The following GPR135 variants were observed in gnomAD, a reference collection of about 807,000 sequenced individuals.
GPR135 encodes the protein G-protein coupled receptor 135.
Under a neutral mutation model 15.0 loss-of-function variants are expected in GPR135, and 17 were observed. That is an observed-to-expected ratio of 1.13 (90% CI 0.78 to 1.70). GPR135 has a LOEUF of 1.70. Ranked by LOEUF, GPR135 falls within the 40% of genes most tolerant of loss-of-function variation. The probability of loss-of-function intolerance (pLI) is 0.00; values close to 1 mark genes in which losing one functional copy is unlikely to be tolerated. For missense variants in GPR135, 776 were observed against 727.0 expected, an observed-to-expected ratio of 1.07 and a Z score of -0.78; for synonymous variants, 368 against 349.4, an observed-to-expected ratio of 1.05 and a Z score of -0.59.
In GPR135 at chr14:59,463,754, A is replaced by T. The variant is rs1230635696; in HGVS notation, c.1473T>A (p.Asp491Glu). Reference sequence around the variant, plus strand: ...CATTCCAACCGTCTTAGAGGCTGGTATCCCCAGCTTCGGATTTAGGCTGTT... The same window carrying T: ...CATTCCAACCGTCTTAGAGGCTGGTTTCCCCAGCTTCGGATTTAGGCTGTT... ...VTKQPKSEAG[D>E]TSL is the part of the protein sequence containing the mutation. Residue 491 changes from aspartate to glutamate, a missense_variant, in exon 1 of 1, where the codon GAT becomes GAA. Asp to Glu is a conservative substitution (Grantham distance 45). Coordinates refer to ENST00000395116, the MANE Select transcript of GPR135 (RefSeq NM_022571.6). 4 of 1,596,702 alleles carry T rather than the reference A, an allele frequency of 2.5e-6. No homozygotes were observed. Among genetic ancestry groups the T allele is most frequent in the Non-Finnish European group, 3.4e-6 (4 of 1,169,356 alleles).
rs564619181 is a variant in GPR135 at position 59,453,723 on chromosome 14, T to C, written c.*874+1961A>G. 2.0e-5 allele frequency among the ~76,000 whole-genome samples: 3 copies of C among 152,212 alleles called. No homozygotes were observed. In the East Asian group the frequency reaches 5.8e-4, roughly 29 times the overall value. On this transcript the variant is annotated intron_variant and NMD_transcript_variant, in intron 6 of 6. Transcript: ENST00000481661. ...ACTTTGGGGTTGAAAAGGAACAGAT[T>C]GGGGAAAAGGGACTTGATGATTGGC...
At position 59,464,783 on chromosome 14, in the gene GPR135, C is replaced by T. The variant is rs1411142684; in HGVS notation, c.444G>A (p.Ser148=). ...TNAFILSLSL[S]DLLTALLCLP... is the part of the protein sequence containing the mutation. Reference sequence around the variant, plus strand: ...GGCAGAGCAGCGCCGTGAGCAGATCCGATAGGGACAGCGACAGGATGAAGG... The same window carrying T: ...GGCAGAGCAGCGCCGTGAGCAGATCTGATAGGGACAGCGACAGGATGAAGG... The change falls in exon 1 of 1, where the codon TCG becomes TCA. Residue 148 remains serine (S), a synonymous_variant. Coordinates refer to ENST00000395116, the MANE Select transcript of GPR135 (RefSeq NM_022571.6). 5 of 1,574,310 alleles carry T rather than the reference C, an allele frequency of 3.2e-6. No individual in the cohort carries two copies. Among genetic ancestry groups the T allele is most frequent in the Admixed American group, 1.9e-5 (1 of 53,664 alleles).
Position 59,461,890 on chromosome 14 carries a change from G to A in GPR135, c.*1852C>T, listed in dbSNP as rs899228318. On this transcript the variant is annotated 3_prime_UTR_variant, in exon 1 of 1. Coordinates refer to ENST00000395116, the MANE Select transcript of GPR135 (RefSeq NM_022571.6). ...ATACCGCAGACACCTGTTTTTGTTA[G>A]TCCAGCTGCATGAAGTCTGTATATG... 1 of 152,128 alleles carries A rather than the reference G, an allele frequency of 6.6e-6. No homozygotes were observed. The highest frequency in any genetic ancestry group is 1.5e-5 in the Non-Finnish European group (1 of 68,036). 9.4% of individuals were successfully genotyped at this position (152,128 alleles called of 1,614,324 possible).
downstream of GPR135, among the ~76,000 whole-genome samples, chr14:59,457,403 T>G (rs1042255262): frequency 2.0e-5 from 3 of 152,168 alleles, no homozygotes; most frequent in Non-Finnish European, 4.4e-5. Flanking sequence ...CTTCAAATAC[T>G]TTTTCTGCTC....
chr14:59,463,612 G>T lies in GPR135; in HGVS notation c.*130C>A. The T allele has an allele frequency of 1.2e-6, 1 of 853,292 alleles. No homozygotes were observed. The highest frequency in any genetic ancestry group is 1.8e-6 in the Non-Finnish European group (1 of 565,940). The allele number at this position is 853,292 out of a possible 1,614,324, so 52.9% of individuals were successfully genotyped here. A position where few individuals can be genotyped will look rare whatever the true frequency, so the allele number is the denominator to read the frequency against. On this transcript the variant is annotated 3_prime_UTR_variant, in exon 1 of 1. Coordinates refer to ENST00000395116, the MANE Select transcript of GPR135 (RefSeq NM_022571.6). ...TTGTCTTTTATGTTGTTTGGGGAAA[G>T]TGGTAAGCCTCCCCCGTCTCTAGCT...
Position 59,464,534 on chromosome 14 carries a change from C to T in GPR135, c.693G>A (p.Ala231=). Residue 231 remains alanine (A), a synonymous_variant, in exon 1 of 1, where the codon GCG becomes GCA. Coordinates refer to ENST00000395116, the MANE Select transcript of GPR135 (RefSeq NM_022571.6). ...AGCCCAGGGCCGTCAGCCAGGCGCC[C>T]GCCAGCAGCTGCAGCGCGCGGCGGC... ...IGRRRALQLL[A]GAWLTALGFS... is the part of the protein sequence containing the mutation. 3 of 1,546,654 alleles carry T rather than the reference C, an allele frequency of 1.9e-6. No individual in the cohort carries two copies. The highest frequency in any genetic ancestry group is 4.0e-5 in the Admixed American group (2 of 50,412).
rs770489525 is a variant in GPR135, at chr14:59,464,671, C to A, written c.556G>T (p.Ala186Ser). Residue 186 changes from alanine (A) to serine (S), a missense_variant, in exon 1 of 1, where the codon GCC becomes TCC. Coordinates refer to ENST00000395116, the MANE Select transcript of GPR135 (RefSeq NM_022571.6). ...AAGCACGAGCTGAAGAAGCGGCTGG[C>A]GGCGCAGAAGCCGCGCCAGGGCCCC... ...AAGPWRGFCAASRFFSSCFGI... is the reference protein window; with the variant it reads ...AAGPWRGFCASSRFFSSCFGI... The A allele has an allele frequency of 5.0e-6, 8 of 1,586,688 alleles. No homozygotes were observed. In the Admixed American group the frequency reaches 1.2e-4, roughly 24 times the overall value.
rs1175968489 is a variant in GPR135 at position 59,464,035 on chromosome 14, G to A, written c.1192C>T (p.Leu398=). 6.2e-7 allele frequency: 1 copy of A among 1,613,670 alleles called. No individual in the cohort carries two copies. The highest frequency in any genetic ancestry group is 1.3e-5 in the African/African-American group (1 of 74,954). The change falls in exon 1 of 1, where the codon CTA becomes TTA. Residue 398 remains leucine, a synonymous_variant. Coordinates refer to ENST00000395116, the MANE Select transcript of GPR135 (RefSeq NM_022571.6). Reference sequence around the variant, plus strand: ...TAGCCCTCCTCGCGGTTGCGCCCTAGGAGCATCGAAATGTTGGGATTGCGG... The same window carrying A: ...TAGCCCTCCTCGCGGTTGCGCCCTAAGAGCATCGAAATGTTGGGATTGCGG... ...AIRNPNISML[L]GRNREEGYRT... is the part of the protein sequence containing the mutation.
In GPR135 at chr14:59,465,165, G is replaced by A. The variant is rs568650635; in HGVS notation, c.62C>T (p.Ser21Phe). The part of the protein sequence containing the change: ...ASMALLGSQH[S>F]GAPSAAGPPG... ...TGGGCCGGCCGCGGAGGGGGCGCCG[G>A]AGTGCTGGCTGCCCAGTAAGGCCAT... Residue 21 changes from serine to phenylalanine, a missense_variant, in exon 1 of 1, where the codon TCC (serine) becomes TTC (phenylalanine). Transcript: ENST00000395116. The A allele has an allele frequency of 1.0e-4, 135 of 1,328,162 alleles. 1 individual carries two copies. The African/African-American group carries it at 1.9e-3, about 18-fold the overall frequency. 82.3% of individuals were successfully genotyped at this position (1,328,162 alleles called of 1,614,324 possible).
chr14:59,464,952 TCCGGGCCTAGCGGCCGCCTCACCG>T lies in GPR135; in HGVS notation c.251_274del (p.Ala84_Pro91del), dbSNP rs1430587827. 1.2e-5 allele frequency: 19 copies of T among 1,529,208 alleles called. No individual in the cohort carries two copies. The highest frequency in any genetic ancestry group is 1.7e-5 in the Non-Finnish European group (19 of 1,141,282). The allele number at this position is 1,529,208 out of a possible 1,614,324, so 94.7% of individuals were successfully genotyped here. A position where few individuals can be genotyped will look rare whatever the true frequency, so the allele number is the denominator to read the frequency against. ...TCCGTGCGACAGCAGCGGCGCCGCC[TCCGGGCCTAGCGGCCGCCTCACCG>T]CCGCCCCCGCCTCCCGCGCTGCCCC... On this transcript the variant is annotated inframe_deletion, in exon 1 of 1. Coordinates refer to ENST00000395116, the MANE Select transcript of GPR135 (RefSeq NM_022571.6).
Position 59,464,034 on chromosome 14 carries a change from A to G in GPR135, c.1193T>C (p.Leu398Pro), listed in dbSNP as rs1888980642. Residue 398 changes from leucine (L) to proline (P), a missense_variant, in exon 1 of 1, where the codon CTA (leucine) becomes CCA (proline). Transcript: ENST00000395116. ...AIRNPNISML[L>P]GRNREEGYRT... ...GTAGCCCTCCTCGCGGTTGCGCCCT[A>G]GGAGCATCGAAATGTTGGGATTGCG... 3 of 1,613,708 alleles carry G rather than the reference A, an allele frequency of 1.9e-6. No individual in the cohort carries two copies. Among genetic ancestry groups the G allele is most frequent in the African/African-American group, 2.7e-5 (2 of 74,948 alleles).
rs745421740 is a variant in GPR135 at position 59,464,737 on chromosome 14, G to A, written c.490C>T (p.Leu164Phe). The A allele has an allele frequency of 4.0e-5, 62 of 1,566,634 alleles. No homozygotes were observed. The highest frequency in any genetic ancestry group is 5.4e-5 in the African/African-American group (4 of 74,076). The change falls in exon 1 of 1, where the codon CTC (leucine) becomes TTC (phenylalanine). Residue 164 changes from leucine (L) to phenylalanine (F), a missense_variant. Physicochemically the swap from Leu to Phe is conservative, Grantham distance 22 (BLOSUM62 0). Coordinates refer to ENST00000395116, the MANE Select transcript of GPR135 (RefSeq NM_022571.6). Reference sequence around the variant, plus strand: ...GCCGAACCCCCGGGCGGAGTGAAGAGGTCCAGGAAGGCGGCGGGCAGGCAG... The same window carrying A: ...GCCGAACCCCCGGGCGGAGTGAAGAAGTCCAGGAAGGCGGCGGGCAGGCAG... ...LLCLPAAFLD[L>F]FTPPGGSAPA...
At chr14:59,458,583 T>C (rs1888746673), downstream of GPR135, among the ~76,000 whole-genome samples, 2 of 152,122 alleles carry the variant, frequency 1.3e-5, no homozygotes, top group Non-Finnish European at 2.9e-5. Flanking sequence ...ATGCGAACTC[T>C]CTGAGACATG....
At position 59,464,968 on chromosome 14, in the gene GPR135, G is replaced by T. The variant is rs1889082592; in HGVS notation, c.259C>A (p.Arg87=). Residue 87 remains arginine (R), a synonymous_variant, in exon 1 of 1, where the codon CGG becomes AGG. Transcript: ENST00000395116. ...GGCGCCGCCTCCGGGCCTAGCGGCC[G>T]CCTCACCGCCGCCCCCGCCTCCCGC... ...AAREAGAAVR[R]PLGPEAAPLL... is the part of the protein sequence containing the mutation. 3.4e-6 allele frequency: 5 copies of T among 1,490,008 alleles called. No homozygotes were observed. Among genetic ancestry groups the T allele is most frequent in the East Asian group, 2.8e-5 (1 of 35,396 alleles). The allele number at this position is 1,490,008 out of a possible 1,614,324, so 92.3% of individuals were successfully genotyped here. A position where few individuals can be genotyped will look rare whatever the true frequency, so the allele number is the denominator to read the frequency against.
downstream of GPR135, among the ~76,000 whole-genome samples, chr14:59,456,948 C>T (rs931582287): frequency 6.6e-6 from 1 of 151,978 alleles, no homozygotes. Flanking sequence ...TATGCCTTTC[C>T]TTACTTTTAC....
chr14:59,465,109 C>T lies in GPR135; in HGVS notation c.118G>A (p.Ala40Thr). Reference protein sequence around the residue: ...PGGTSSAATAAVLSFSTVATA... With the variant: ...PGGTSSAATATVLSFSTVATA... ...GCCACGGTGCTGAAGGAGAGCACGGCCGCCGTGGCCGCGGAGGAAGTCCCG... is the reference window on the plus strand; with the variant it reads ...GCCACGGTGCTGAAGGAGAGCACGGTCGCCGTGGCCGCGGAGGAAGTCCCG... Residue 40 changes from alanine (A) to threonine (T), a missense_variant, in exon 1 of 1, where the codon GCC (alanine) becomes ACC (threonine). Physicochemically the swap from Ala to Thr is moderately conservative, Grantham distance 58. Coordinates refer to ENST00000395116, the MANE Select transcript of GPR135 (RefSeq NM_022571.6). 7.2e-7 allele frequency: 1 copy of T among 1,382,244 alleles called. No individual in the cohort carries two copies. Among genetic ancestry groups the T allele is most frequent in the Non-Finnish European group, 9.4e-7 (1 of 1,067,188 alleles). The allele number at this position is 1,382,244 out of a possible 1,614,324, so 85.6% of individuals were successfully genotyped here.
rs757054377 is a variant in GPR135 at position 59,464,796 on chromosome 14, G to C, written c.431C>G (p.Ser144Trp). 3 of 1,578,166 alleles carry C rather than the reference G, an allele frequency of 1.9e-6. No homozygotes were observed. The highest frequency in any genetic ancestry group is 2.6e-6 in the Non-Finnish European group (3 of 1,161,728). The part of the protein sequence containing the change: ...LRTVTNAFIL[S>W]LSLSDLLTAL... ...CGTGAGCAGATCCGATAGGGACAGC[G>C]ACAGGATGAAGGCGTTGGTGACGGT... Residue 144 changes from serine to tryptophan, a missense_variant, in exon 1 of 1, where the codon TCG (serine) becomes TGG (tryptophan). Ser to Trp is a radical substitution (Grantham distance 177). Coordinates refer to ENST00000395116, the MANE Select transcript of GPR135 (RefSeq NM_022571.6).
At position 59,460,759 on chromosome 14, in the gene GPR135, T is replaced by C. The variant is rs1888825762; in HGVS notation, c.*2983A>G. On this transcript the variant is annotated 3_prime_UTR_variant, in exon 1 of 1. Coordinates refer to ENST00000395116, the MANE Select transcript of GPR135 (RefSeq NM_022571.6). ...GAATAAAACATGAAGGATTACATTC[T>C]GGCCTTTACATAGTACTCAATATTT... 1 of 152,256 alleles carries C rather than the reference T, an allele frequency of 6.6e-6. No homozygotes were observed. Among genetic ancestry groups the C allele is most frequent in the Non-Finnish European group, 1.5e-5 (1 of 68,040 alleles). 9.4% of individuals were successfully genotyped at this position (152,256 alleles called of 1,614,324 possible). A position where few individuals can be genotyped will look rare whatever the true frequency, so the allele number is the denominator to read the frequency against.
chr14:59,463,897 T>A lies in GPR135; in HGVS notation c.1330A>T (p.Met444Leu). ...CCGCTGGCCGGGTTGGAAGAGGACA[T>A]CCTGTTGCAGGCCCCCAGCCGGTTG... ...YANRLGACNR[M>L]SSSNPASGVA... Residue 444 changes from methionine (M) to leucine (L), a missense_variant, in exon 1 of 1, where the codon ATG becomes TTG. Met to Leu is a conservative substitution (Grantham distance 15). Coordinates refer to ENST00000395116, the MANE Select transcript of GPR135 (RefSeq NM_022571.6). The A allele has an allele frequency of 1.2e-6, 2 of 1,614,108 alleles. No individual in the cohort carries two copies. Among genetic ancestry groups the A allele is most frequent in the Non-Finnish European group, 8.5e-7 (1 of 1,179,960 alleles).
Sources: allele counts gnomAD v4.1 joint callset (sites outside exome capture counted in the v4.1 genomes callset), GRCh38; gene constraint gnomAD v4.1.1; transcripts MANE v1.5; gene names NCBI Gene and HGNC (gene_info 2026-07-23, HGNC 2026-07-21).